Variants in C14orf132 observed in about 807,000 individuals in gnomAD.
C14orf132 encodes chromosome 14 open reading frame 132.
A neutral mutation model predicts 5.8 loss-of-function variants in C14orf132; 6 were observed. The observed-to-expected ratio is 1.03, with a 90% CI of 0.57 to 2.04. The LOEUF is 2.04. Among genes scored for constraint, C14orf132 ranks in the 30% most tolerant of loss-of-function variants. The probability of loss-of-function intolerance (pLI) is 0.00; values close to 1 mark genes in which losing one functional copy is unlikely to be tolerated. For synonymous variants in C14orf132, 51 were observed against 49.8 expected (o/e 1.02, Z -0.10); for missense variants, 125 against 115.8 (o/e 1.08, Z -0.37).
At chr14:96,082,786 A>G (rs1395028991) in intron 1 of C14orf132, among the ~76,000 whole-genome samples, 1 of 152,226 alleles carries the variant, frequency 6.6e-6, no homozygotes, top group Non-Finnish European at 1.5e-5. Context: ...GGGAAGGAAT[A>G]TTGGTAATCA....
chr14:96,074,243 T>C (rs747222341), intron 1 of C14orf132, among the ~76,000 whole-genome samples: 8 of 152,366 alleles, frequency 5.3e-5, no homozygotes, highest in East Asian at 1.9e-4. Context: ...TTTTCAGTGT[T>C]CTTTATATAT....
intron 1 of C14orf132, among the ~76,000 whole-genome samples, chr14:96,063,922 A>G (rs563828752): frequency 6.6e-6 from 1 of 152,320 alleles, no homozygotes; most frequent in Admixed American, 6.5e-5. Flanking sequence ...GGACATGAAT[A>G]GACAATTTTC....
chr14:96,077,518 T>C (rs918199501), intron 1 of C14orf132, among the ~76,000 whole-genome samples: 2 of 152,154 alleles, frequency 1.3e-5, no homozygotes, highest in African/African-American at 4.8e-5. Flanking sequence ...GAAGACCATG[T>C]GAAGACACAG....
rs1418986174 is a variant in C14orf132, at chr14:96,066,379, T to C, written c.28-20132T>C. ...CCCCCTGCGTTGTGCTGAGTTACTATGGCAACACTTTCAGAAGCGGTGAAT... is the reference window on the plus strand; with the variant it reads ...CCCCCTGCGTTGTGCTGAGTTACTACGGCAACACTTTCAGAAGCGGTGAAT... On this transcript the variant is annotated intron_variant, in intron 1 of 1. Transcript: ENST00000555004. Among the ~76,000 whole-genome samples, 3 of 152,182 alleles carry C rather than the reference T, an allele frequency of 2.0e-5. No homozygotes were observed. In the East Asian group the frequency reaches 5.8e-4, roughly 29 times the overall value.
rs138304401 is a variant in C14orf132, at chr14:96,048,477, T to C, written c.27+8950T>C. Among the ~76,000 whole-genome samples the C allele has an allele frequency of 3.0e-3, 464 of 152,310 alleles. 1 individual carries two copies. The highest frequency in any genetic ancestry group is 8.9e-3 in the African/African-American group (372 of 41,578). Reference sequence around the variant, plus strand: ...CAGATTGGCTGCTTTCACTTAGTAATATGCACCTAAGGCTTGATAGCTTTT... The same window carrying C: ...CAGATTGGCTGCTTTCACTTAGTAACATGCACCTAAGGCTTGATAGCTTTT... On this transcript the variant is annotated intron_variant, in intron 1 of 1. Coordinates refer to ENST00000555004, the MANE Select transcript of C14orf132 (RefSeq NM_001252507.3).
In C14orf132 at chr14:96,039,943, C is replaced by T. The variant is rs1007147413; in HGVS notation, c.27+416C>T. Among the ~76,000 whole-genome samples, 1 of 152,220 alleles carries T rather than the reference C, an allele frequency of 6.6e-6. No homozygotes were observed. Among genetic ancestry groups the T allele is most frequent in the African/African-American group, 2.4e-5 (1 of 41,464 alleles). On this transcript the variant is annotated intron_variant, in intron 1 of 1. Coordinates refer to ENST00000555004, the MANE Select transcript of C14orf132 (RefSeq NM_001252507.3). This position sits in a 1 kb window ranked among gnomAD's most constrained non-coding sequence, Gnocchi z 5.3. ...GTCTCGCCCTTCCCCACTCTGTTTT[C>T]CCGAGGCGCCAGTAATCTGTCTCTT... is the stretch of plus-strand genomic sequence containing the variant.
At chr14:96,064,025 A>G (rs1056865166) in intron 1 of C14orf132, among the ~76,000 whole-genome samples, 1 of 152,136 alleles carries the variant, frequency 6.6e-6, no homozygotes, top group Non-Finnish European at 1.5e-5. Context: ...ACAATGCGAT[A>G]CCACCTTATT....
rs993304675 is a variant in C14orf132 at position 96,046,632 on chromosome 14, C to A, written c.27+7105C>A. 2.0e-5 allele frequency among the ~76,000 whole-genome samples: 3 copies of A among 152,332 alleles called. 1 individual carries two copies. Among genetic ancestry groups the A allele is most frequent in the African/African-American group, 7.2e-5 (3 of 41,570 alleles). On this transcript the variant is annotated intron_variant, in intron 1 of 1. Transcript: ENST00000555004. The stretch of plus-strand genomic sequence containing the variant: ...CTTTCGCCTGTCTCTTGGAATCTGG[C>A]CCTTGCCAGGTGGGAAGATTCAGTC...
At chr14:96,076,977 T>C (rs1475740704) in intron 1 of C14orf132, among the ~76,000 whole-genome samples, 1 of 152,234 alleles carries the variant, frequency 6.6e-6, no homozygotes, top group Non-Finnish European at 1.5e-5. Context: ...TGTTATTGAC[T>C]CCTAGTTTAA....
chr14:96,068,058 T>C (rs551743695), intron 1 of C14orf132, among the ~76,000 whole-genome samples: 1 of 152,290 alleles, frequency 6.6e-6, no homozygotes, highest in East Asian at 1.9e-4. Context: ...TTCATTTTTA[T>C]TTCATCCACC....
intron 1 of C14orf132, among the ~76,000 whole-genome samples, chr14:96,047,103 G>A (rs936212728): frequency 2.6e-5 from 4 of 152,112 alleles, no homozygotes; most frequent in African/African-American, 9.7e-5. Context: ...CAAATTGTCT[G>A]TTATCTTAGG....
intron 1 of C14orf132, among the ~76,000 whole-genome samples, chr14:96,051,988 C>T (rs1887041386): frequency 6.6e-6 from 1 of 152,250 alleles, no homozygotes; most frequent in Admixed American, 6.5e-5. Flanking sequence ...TGAGCACCTG[C>T]TAAGAGTTCT....
intron 1 of C14orf132, among the ~76,000 whole-genome samples, chr14:96,085,766 G>C (rs1566837355): frequency 6.6e-6 from 1 of 152,166 alleles, no homozygotes; most frequent in Non-Finnish European, 1.5e-5. Flanking sequence ...GATGTACAAG[G>C]ATGTTGATCA....
chr14:96,046,576 C>T (rs1466024924), intron 1 of C14orf132, among the ~76,000 whole-genome samples: 2 of 152,246 alleles, frequency 1.3e-5, no homozygotes, highest in Non-Finnish European at 2.9e-5. Context: ...GTTTCCTGTG[C>T]TTGAGGAGCT....
chr14:96,085,561 T>C (rs1888155683), intron 1 of C14orf132, among the ~76,000 whole-genome samples: 1 of 152,232 alleles, frequency 6.6e-6, no homozygotes, highest in Admixed American at 6.5e-5. Context: ...GATTCATGAA[T>C]GCAAACATTC....
intron 1 of C14orf132, among the ~76,000 whole-genome samples, chr14:96,046,962 G>A (rs543696026): frequency 3.3e-5 from 5 of 152,284 alleles, no homozygotes; most frequent in African/African-American, 9.6e-5. Context: ...AGAAGTTGTC[G>A]GTCCCCAGAG....
chr14:96,066,038 C>T (rs879773511), intron 1 of C14orf132, among the ~76,000 whole-genome samples: 4 of 152,164 alleles, frequency 2.6e-5, no homozygotes, highest in Non-Finnish European at 5.9e-5. Flanking sequence ...ACAGCCTCCT[C>T]CCCCTTATCC....
At chr14:96,043,438 A>G (rs983004680) in intron 1 of C14orf132, among the ~76,000 whole-genome samples, 1 of 152,214 alleles carries the variant, frequency 6.6e-6, no homozygotes, top group Non-Finnish European at 1.5e-5. Flanking sequence ...CTGTTAAAGC[A>G]TGCCTCGGGT....
chr14:96,088,269 C>T lies in C14orf132; in HGVS notation c.*1534C>T, dbSNP rs536290265. On this transcript the variant is annotated 3_prime_UTR_variant, in exon 2 of 2. Coordinates refer to ENST00000555004, the MANE Select transcript of C14orf132 (RefSeq NM_001252507.3). ...AGAAGCGGCACTCTTCCCTGGAAGC[C>T]GCCATGTTAATAGGATTACTAGCCT... 3 of 152,252 alleles carry T rather than the reference C, an allele frequency of 2.0e-5. No individual in the cohort carries two copies. The highest frequency in any genetic ancestry group is 4.4e-5 in the Non-Finnish European group (3 of 68,014). 9.4% of individuals were successfully genotyped at this position (152,252 alleles called of 1,614,324 possible).
Sources: allele counts gnomAD v4.1 joint callset (sites outside exome capture counted in the v4.1 genomes callset), GRCh38; gene constraint gnomAD v4.1.1; non-coding constraint Gnocchi (gnomAD v3.1); transcripts MANE v1.5; gene names NCBI Gene and HGNC (gene_info 2026-07-23, HGNC 2026-07-21).